The following USP25 variants were observed in gnomAD, a reference collection of about 807,000 sequenced individuals.
USP25 encodes ubiquitin specific peptidase 25.
In USP25, 85 loss-of-function variants were observed where a neutral mutation model predicts 158.5. The ratio of observed to expected loss-of-function variants is 0.54; its 90% CI spans 0.45 to 0.64. The LOEUF (loss-of-function observed/expected upper bound fraction) is 0.64. Among genes scored for constraint, USP25 ranks in the 30% least tolerant of loss-of-function variants. The pLI is 0.00. For missense variants in USP25, 1,242 were observed against 1,327.3 expected, an observed-to-expected ratio of 0.94 and a Z score of 1.00; for synonymous variants, 464 against 460.4, an observed-to-expected ratio of 1.01 and a Z score of -0.10.
At chr21:15,855,478 A>C (rs571241482) in intron 20 of USP25, among the ~76,000 whole-genome samples, 11 of 152,330 alleles carry the variant, frequency 7.2e-5, no homozygotes, top group Non-Finnish European at 1.3e-4. Flanking sequence ...TTATTTATCA[A>C]CATGGTATTA....
chr21:15,799,226 G>T (rs1002800459), intron 5 of USP25, among the ~76,000 whole-genome samples: 2 of 151,182 alleles, frequency 1.3e-5, no homozygotes, highest in African/African-American at 2.4e-5. Flanking sequence ...TTAGATTCTT[G>T]TGTAATTATT....
chr21:15,805,702 T>C (rs2036348112), intron 7 of USP25: 4 of 152,194 alleles, frequency 2.6e-5, no homozygotes. Context: ...TTTTTATCCA[T>C]TACCTTAAAA....
At chr21:15,763,625 A>G (rs1040226972) in intron 2 of USP25, among the ~76,000 whole-genome samples, 1 of 152,186 alleles carries the variant, frequency 6.6e-6, no homozygotes, top group African/African-American at 2.4e-5. Context: ...GCTTATTTGC[A>G]TATTACTACT....
intron 1 of USP25, among the ~76,000 whole-genome samples, chr21:15,756,091 G>C (rs2033355363): frequency 6.6e-6 from 1 of 152,142 alleles, no homozygotes; most frequent in East Asian, 1.9e-4. Flanking sequence ...TAGAAGAATA[G>C]TCAAAAGAAT....
intron 20 of USP25, among the ~76,000 whole-genome samples, chr21:15,853,791 C>T (rs2039004860): frequency 6.7e-6 from 1 of 149,826 alleles, no homozygotes; most frequent in African/African-American, 2.5e-5. Flanking sequence ...TGAGAGCTTT[C>T]CTGTTTTTTT....
chr21:15,844,872 C>T (rs1037234537), intron 18 of USP25, among the ~76,000 whole-genome samples: 2 of 152,066 alleles, frequency 1.3e-5, no homozygotes, highest in African/African-American at 4.8e-5. Flanking sequence ...CCTTTTATAA[C>T]CATTTCCCCA....
chr21:15,833,792 T>C (rs2037927627), intron 17 of USP25, among the ~76,000 whole-genome samples: 1 of 152,178 alleles, frequency 6.6e-6, no homozygotes, highest in African/African-American at 2.4e-5. Flanking sequence ...CTCTACCTAC[T>C]CTGCCTGTGT....
intron 20 of USP25, among the ~76,000 whole-genome samples, chr21:15,857,188 A>T: frequency 6.6e-6 from 1 of 152,216 alleles, no homozygotes; most frequent in Non-Finnish European, 1.5e-5. Context: ...TAAATGAGAT[A>T]ATTCACGTGG....
chr21:15,878,404 A>G lies in USP25; in HGVS notation c.3307A>G (p.Thr1103Ala). The G allele has an allele frequency of 6.2e-7, 1 of 1,613,916 alleles. No individual in the cohort carries two copies. Among genetic ancestry groups the G allele is most frequent in the Non-Finnish European group, 8.5e-7 (1 of 1,179,918 alleles). Residue 1103 changes from threonine to alanine, a missense_variant, in exon 26 of 26, where the codon ACG (threonine) becomes GCG (alanine). This residue lies in a region of USP25 where 608 missense variants were observed against 605.2 expected (regional missense o/e 1.00). Transcript: ENST00000400183. ...HEPPKLPSYSTHELCERFARI... is the reference protein window; with the variant it reads ...HEPPKLPSYSAHELCERFARI... The stretch of plus-strand genomic sequence containing the variant: ...GCCACCGAAGTTACCTTCATATTCC[A>G]CGCATGAACTCTGTGAGCGATTTGC...
At chr21:15,764,137 G>A (rs1439267182) in intron 2 of USP25, among the ~76,000 whole-genome samples, 1 of 152,128 alleles carries the variant, frequency 6.6e-6, no homozygotes, top group Non-Finnish European at 1.5e-5. Context: ...AGAGGAAGCA[G>A]AAGTGCTATA....
chr21:15,781,661 C>T (rs944891078), intron 4 of USP25, among the ~76,000 whole-genome samples: 2 of 152,128 alleles, frequency 1.3e-5, no homozygotes, highest in African/African-American at 4.8e-5. Context: ...ACCAAAGTAT[C>T]CTGCCTCTGC....
chr21:15,764,577 A>G (rs777414132), intron 2 of USP25, among the ~76,000 whole-genome samples: 2 of 152,142 alleles, frequency 1.3e-5, no homozygotes, highest in Non-Finnish European at 2.9e-5. Flanking sequence ...TTTTAGCTCT[A>G]AAAAGTAAAT....
rs1417088474 is a variant in USP25 at position 15,831,610 on chromosome 21, G to T, written c.1974G>T (p.Lys658Asn). 3.1e-6 allele frequency: 5 copies of T among 1,613,468 alleles called. No individual in the cohort carries two copies. Among genetic ancestry groups the T allele is most frequent in the Non-Finnish European group, 4.2e-6 (5 of 1,179,720 alleles). Residue 658 changes from lysine to asparagine, a missense_variant, in exon 16 of 26, where the codon AAG becomes AAT. Lys to Asn is a moderately conservative substitution (Grantham distance 94). Transcript: ENST00000400183. ...ACTGTTTAATGTACATAAATGATAA[G>T]GCACAGTTCCTAATACAAGGTAAGA... ...SAYCLMYINDKAQFLIQEEFN... is the reference protein window; with the variant it reads ...SAYCLMYINDNAQFLIQEEFN...
intron 14 of USP25, among the ~76,000 whole-genome samples, chr21:15,829,258 C>T (rs1377533961): frequency 6.6e-6 from 1 of 152,116 alleles, no homozygotes; most frequent in Admixed American, 6.5e-5. Context: ...TTTCATCATG[C>T]AGGTAATAAG....
intron 1 of USP25, among the ~76,000 whole-genome samples, chr21:15,749,212 T>A (rs947572940): frequency 2.8e-4 from 43 of 152,342 alleles, no homozygotes; most frequent in Middle Eastern, 3.4e-3. Flanking sequence ...TGTGTACATA[T>A]TTGAGTGCCT....
intron 5 of USP25, among the ~76,000 whole-genome samples, chr21:15,793,724 A>G (rs2035716287): frequency 6.6e-6 from 1 of 151,734 alleles, no homozygotes; most frequent in East Asian, 1.9e-4. Flanking sequence ...GGAGTAGAAA[A>G]CACTAAGCAT....
At position 15,826,330 on chromosome 21, in the gene USP25, A is replaced by G. The variant is rs762628890; in HGVS notation, c.1431A>G (p.Pro477=). 1.1e-4 allele frequency: 176 copies of G among 1,613,918 alleles called. No homozygotes were observed. Among genetic ancestry groups the G allele is most frequent in the Non-Finnish European group, 1.4e-4 (171 of 1,179,952 alleles). The change falls in exon 13 of 26, where the codon CCA becomes CCG. Residue 477 remains proline, a synonymous_variant. Transcript: ENST00000400183. The surrounding 1 kb of genome is among the most constrained non-coding windows in gnomAD (Gnocchi z 4.8). ...TTGACGATATTGACGCTAGTTCCCC[A>G]CCTAGTGGTTCCATACCATCACAGA... The part of the protein sequence containing the change: ...SPVDDIDASS[P]PSGSIPSQTL...
chr21:15,864,189 G>T (rs2039556526), intron 20 of USP25, 79 bp from the exon 21 acceptor site: 99 of 1,270,234 alleles, frequency 7.8e-5, no homozygotes, highest in Non-Finnish European at 9.8e-5. Context: ...AATGCAAGAA[G>T]AATTAAACTC....
At chr21:15,779,546 T>G (rs2823490) in intron 4 of USP25, among the ~76,000 whole-genome samples, 5,506 of 151,938 alleles carry the variant, frequency 0.036, 317 homozygotes, top group African/African-American at 0.13. Context: ...AGTCGTTCTA[T>G]TATGTGTTTT....
Sources: allele counts gnomAD v4.1 joint callset (sites outside exome capture counted in the v4.1 genomes callset), GRCh38; gene constraint gnomAD v4.1.1; regional missense constraint gnomAD v4.1.1; non-coding constraint Gnocchi (gnomAD v3.1); transcripts MANE v1.5; gene names NCBI Gene and HGNC (gene_info 2026-07-23, HGNC 2026-07-21).